The following ERC2 variants were observed in gnomAD, a reference collection of about 807,000 sequenced individuals.
ERC2 encodes ERC protein 2.
Under a neutral mutation model 114.8 loss-of-function variants are expected in ERC2, and 42 were observed. The ratio of observed to expected loss-of-function variants is 0.37; its 90% CI spans 0.29 to 0.47. The LOEUF is 0.47. Ranked by LOEUF, ERC2 falls within the 20% of genes least tolerant of loss-of-function variation. The pLI is 0.99. For synonymous variants in ERC2, 454 were observed against 425.5 expected, an observed-to-expected ratio of 1.07 and a Z score of -0.82; for missense variants, 939 against 1,150.7, an observed-to-expected ratio of 0.82 and a Z score of 2.66.
At chr3:56,156,826 G>A (rs1321796738) in intron 4 of ERC2, among the ~76,000 whole-genome samples, 1 of 152,066 alleles carries the variant, frequency 6.6e-6, no homozygotes, top group Non-Finnish European at 1.5e-5. Context: ...TAGAGAGTGA[G>A]CAAAAAACTA....
chr3:56,216,093 C>T (rs2049450083), intron 3 of ERC2, among the ~76,000 whole-genome samples: 1 of 152,098 alleles, frequency 6.6e-6, no homozygotes, highest in South Asian at 2.1e-4. Context: ...ACTAGAGAAG[C>T]AAGAGCAATC....
At chr3:55,703,851 G>A (rs755961562) in intron 15 of ERC2, among the ~76,000 whole-genome samples, 2 of 152,176 alleles carry the variant, frequency 1.3e-5, no homozygotes, top group Non-Finnish European at 2.9e-5. Context: ...CGAAGGAAGA[G>A]TATGTGCATA....
At chr3:56,180,076 T>C (rs532598448) in intron 3 of ERC2, among the ~76,000 whole-genome samples, 8 of 152,234 alleles carry the variant, frequency 5.3e-5, no homozygotes, top group African/African-American at 1.9e-4. Flanking sequence ...ATGAAGAGCA[T>C]GGCCTCCTGG....
chr3:55,860,790 C>G lies in ERC2; in HGVS notation c.2564+27599G>C, dbSNP rs6791728. ...TCTTACCTTCTGTTAATTAGATTAC[C>G]TTTTTTAGTCCACACACTAACAAAA... On this transcript the variant is annotated intron_variant, in intron 14 of 17. Transcript: ENST00000288221. Among the ~76,000 whole-genome samples the G allele has an allele frequency of 8.4e-3, 1,272 of 152,206 alleles. 28 individuals are homozygous for G. The highest frequency in any genetic ancestry group is 0.028 in the African/African-American group (1,182 of 41,524).
chr3:56,233,354 C>T (rs1170908649), intron 3 of ERC2, among the ~76,000 whole-genome samples: 1 of 152,238 alleles, frequency 6.6e-6, no homozygotes, highest in African/African-American at 2.4e-5. Flanking sequence ...GGCACAGTGG[C>T]TCACGCCTAT....
At chr3:55,655,061 G>A (rs2060798743) in intron 17 of ERC2, among the ~76,000 whole-genome samples, 1 of 152,060 alleles carries the variant, frequency 6.6e-6, no homozygotes, top group Non-Finnish European at 1.5e-5. Flanking sequence ...CCTTGGAGCA[G>A]CCCTCGGCCG....
chr3:56,007,030 T>C lies in ERC2; in HGVS notation c.2061+151A>G, dbSNP rs1236165601. ...TTACAGACAGATTTGATAGACTTCT[T>C]AGCAATAAAGTTAAGAGTATTTAAT... On this transcript the variant is annotated intron_variant, in intron 10 of 17. Transcript: ENST00000288221. 9 of 650,780 alleles carry C rather than the reference T, an allele frequency of 1.4e-5. No homozygotes were observed. In the African/African-American group the frequency reaches 1.7e-4, roughly 12 times the overall value. 40.3% of individuals were successfully genotyped at this position (650,780 alleles called of 1,614,324 possible). A position where few individuals can be genotyped will look rare whatever the true frequency, so the allele number is the denominator to read the frequency against.
intron 17 of ERC2, among the ~76,000 whole-genome samples, chr3:55,521,235 G>A (rs72868672): frequency 0.023 from 3,550 of 152,266 alleles, 129 homozygotes; most frequent in African/African-American, 0.082. Flanking sequence ...GGGTCCAGGC[G>A]AGACCTCCCT....
chr3:56,005,993 T>A (rs1306409766), intron 10 of ERC2, among the ~76,000 whole-genome samples: 1 of 152,074 alleles, frequency 6.6e-6, no homozygotes, highest in Non-Finnish European at 1.5e-5. Flanking sequence ...TTGTTCAAGA[T>A]TTCTGCTTAA....
chr3:55,936,110 C>G (rs2066428304), intron 13 of ERC2, among the ~76,000 whole-genome samples: 1 of 152,158 alleles, frequency 6.6e-6, no homozygotes, highest in African/African-American at 2.4e-5. Flanking sequence ...TCCATTGAGT[C>G]TCAGGCAGAA....
At chr3:55,892,481 C>T (rs1266226133) in intron 13 of ERC2, among the ~76,000 whole-genome samples, 1 of 152,148 alleles carries the variant, frequency 6.6e-6, no homozygotes, top group East Asian at 1.9e-4. Context: ...TGTGATTATG[C>T]CACTGCACTC....
intron 17 of ERC2, among the ~76,000 whole-genome samples, chr3:55,566,471 G>C (rs937998077): frequency 2.6e-5 from 4 of 151,600 alleles, no homozygotes; most frequent in Admixed American, 1.3e-4. Flanking sequence ...TGCCCAGGTT[G>C]AACAGGTTGG....
chr3:55,781,027 G>A (rs79350829), intron 14 of ERC2, among the ~76,000 whole-genome samples: 183 of 152,328 alleles, frequency 1.2e-3, no homozygotes, highest in Non-Finnish European at 1.8e-3. Flanking sequence ...GGGCCTTAGC[G>A]TGTGGTATGT....
intron 17 of ERC2, among the ~76,000 whole-genome samples, chr3:55,568,131 C>T (rs1018605704): frequency 2.6e-5 from 4 of 152,188 alleles, no homozygotes; most frequent in Non-Finnish European, 2.9e-5. Context: ...GTGTATAGGC[C>T]TCACTAGCCA....
At chr3:55,913,352 G>A (rs1468889137) in intron 13 of ERC2, among the ~76,000 whole-genome samples, 1 of 152,036 alleles carries the variant, frequency 6.6e-6, no homozygotes, top group African/African-American at 2.4e-5. Context: ...AATAAGAGTA[G>A]ATAAATCATA....
chr3:56,199,575 A>G (rs2048295564), intron 3 of ERC2, among the ~76,000 whole-genome samples: 1 of 152,046 alleles, frequency 6.6e-6, no homozygotes, highest in Admixed American at 6.6e-5. Flanking sequence ...GGGCATCATC[A>G]TAGCTCACTG....
intron 3 of ERC2, among the ~76,000 whole-genome samples, chr3:56,287,271 A>G (rs965744901): frequency 6.6e-6 from 1 of 152,252 alleles, no homozygotes; most frequent in African/African-American, 2.4e-5. Context: ...GTTTTGGGAG[A>G]CAAAGCATTT....
intron 2 of ERC2, among the ~76,000 whole-genome samples, chr3:56,354,912 T>A (rs2058686162): frequency 6.6e-6 from 1 of 152,208 alleles, no homozygotes; most frequent in African/African-American, 2.4e-5. Context: ...GGCACCTGTA[T>A]GTTTGAATTA....
chr3:56,337,393 G>A (rs1227854247), intron 2 of ERC2, among the ~76,000 whole-genome samples: 1 of 152,178 alleles, frequency 6.6e-6, no homozygotes, highest in East Asian at 1.9e-4. Flanking sequence ...CCCAGGCTTA[G>A]GACCTGGCTC....
Sources: allele counts gnomAD v4.1 joint callset (sites outside exome capture counted in the v4.1 genomes callset), GRCh38; gene constraint gnomAD v4.1.1; transcripts MANE v1.5; gene names NCBI Gene and HGNC (gene_info 2026-07-23, HGNC 2026-07-21).